SCN8A: variants seen among roughly 807,000 people sequenced by gnomAD.
SCN8A encodes sodium voltage-gated channel alpha subunit 8.
In SCN8A, 30 loss-of-function variants were observed where a neutral mutation model predicts 184.1. That is an observed-to-expected ratio of 0.16 (90% confidence interval 0.12 to 0.22). The LOEUF (loss-of-function observed/expected upper bound fraction) is 0.22. Ranked by LOEUF, SCN8A falls within the 10% of genes least tolerant of loss-of-function variation. The pLI is 1.00. For synonymous variants in SCN8A, 852 were observed against 907.0 expected (o/e 0.94, Z 1.09); for missense variants, 1,057 against 2,498.9 (o/e 0.42, Z 12.30).
chr12:51,743,830 GCCTTA>G (rs1667000550), intron 12 of SCN8A, among the ~76,000 whole-genome samples: 2 of 152,196 alleles, frequency 1.3e-5, no homozygotes, highest in Admixed American at 1.3e-4. Flanking sequence ...GGAGCAAAAA[GCCTTA>G]GAGATTTCTT....
intron 1 of SCN8A, among the ~76,000 whole-genome samples, chr12:51,605,181 A>G (rs751952775): frequency 2.0e-5 from 3 of 152,156 alleles, no homozygotes; most frequent in Non-Finnish European, 4.4e-5. Flanking sequence ...TAAGTTCTTT[A>G]GTGGTGATAT....
In SCN8A at chr12:51,644,677, C is replaced by T. The variant is rs545450930; in HGVS notation, c.-54-18087C>T. Among the ~76,000 whole-genome samples, 7 of 152,078 alleles carry T rather than the reference C, an allele frequency of 4.6e-5. No homozygotes were observed. In the South Asian group the frequency reaches 8.3e-4, roughly 18 times the overall value. ...GCCACCCCGTCTGGGAAGTGAGGAG[C>T]GTCTCCGCCTGGCCGCCCATCGTCT... On this transcript the variant is annotated intron_variant, in intron 1 of 26. Coordinates refer to ENST00000627620, the MANE Select transcript of SCN8A (RefSeq NM_001330260.2).
At chr12:51,661,494 T>G (rs1461637532) in intron 1 of SCN8A, among the ~76,000 whole-genome samples, 2 of 152,194 alleles carry the variant, frequency 1.3e-5, no homozygotes, top group African/African-American at 2.4e-5. Context: ...GAAGGAGCTC[T>G]TGGGTATCTC....
At chr12:51,723,706 A>G (rs893236930) in intron 12 of SCN8A, among the ~76,000 whole-genome samples, 3 of 152,106 alleles carry the variant, frequency 2.0e-5, no homozygotes, top group African/African-American at 4.8e-5. Flanking sequence ...TTTGAAACCC[A>G]TCTCTACTAC....
Position 51,663,051 on chromosome 12 carries a change from A to G in SCN8A, c.234A>G (p.Ala78=), listed in dbSNP as rs769994874. The G allele has an allele frequency of 2.5e-6, 4 of 1,614,034 alleles. No homozygotes were observed. Among genetic ancestry groups the G allele is most frequent in the Non-Finnish European group, 3.4e-6 (4 of 1,179,886 alleles). ...GGGACATCCCCCAAGGCCTGGTTGCAGTTCCCCTGGAGGACTTTGACCCAT... is the reference window on the plus strand; with the variant it reads ...GGGACATCCCCCAAGGCCTGGTTGCGGTTCCCCTGGAGGACTTTGACCCAT... ...IYGDIPQGLV[A]VPLEDFDPYY... is the part of the protein sequence containing the mutation. The change falls in exon 2 of 27, where the codon GCA becomes GCG. Residue 78 remains alanine (A), a synonymous_variant. Transcript: ENST00000627620.
At chr12:51,656,953 A>G (rs1265207239) in intron 1 of SCN8A, among the ~76,000 whole-genome samples, 2 of 152,172 alleles carry the variant, frequency 1.3e-5, no homozygotes, top group Non-Finnish European at 2.9e-5. Flanking sequence ...TCAGGAAAAC[A>G]GTTTGGCAGT....
At chr12:51,776,114 C>T (rs893347422) in intron 20 of SCN8A, among the ~76,000 whole-genome samples, 3 of 152,140 alleles carry the variant, frequency 2.0e-5, no homozygotes, top group South Asian at 2.1e-4. Context: ...CTCAGCCTCC[C>T]GAGTAGCTGG....
At chr12:51,629,520 T>A (rs1323273030) in intron 1 of SCN8A, among the ~76,000 whole-genome samples, 1 of 148,048 alleles carries the variant, frequency 6.8e-6, no homozygotes, top group Non-Finnish European at 1.5e-5. Flanking sequence ...GAAATTCAGG[T>A]ACCTTGCAAC....
chr12:51,769,602 A>G (rs77890854), intron 17 of SCN8A, among the ~76,000 whole-genome samples: 33 of 152,104 alleles, frequency 2.2e-4, no homozygotes, highest in Non-Finnish European at 4.0e-4. Context: ...CCTGCCATTC[A>G]TCTGAGTTAT....
At chr12:51,788,634 TG>T in intron 22 of SCN8A, 60 bp from the exon 23 acceptor site, 1 of 1,381,920 alleles carries the variant, frequency 7.2e-7, no homozygotes, top group Admixed American at 2.0e-5. Context: ...TTGGGACCCC[TG>T]CCTAGACTCC....
chr12:51,608,504 T>C (rs2138572751), intron 1 of SCN8A, among the ~76,000 whole-genome samples: 1 of 152,248 alleles, frequency 6.6e-6, no homozygotes, highest in African/African-American at 2.4e-5. Flanking sequence ...CCATCTCTTT[T>C]AGGTTTTCTA....
intron 1 of SCN8A, among the ~76,000 whole-genome samples, chr12:51,597,329 CAA>C (rs1172200987): frequency 6.6e-6 from 1 of 152,134 alleles, no homozygotes; most frequent in Non-Finnish European, 1.5e-5. Flanking sequence ...TGAACTCCCT[CAA>C]AAGGCACATT....
chr12:51,752,482 G>C (rs1016295050), intron 14 of SCN8A, among the ~76,000 whole-genome samples: 3 of 151,996 alleles, frequency 2.0e-5, no homozygotes, highest in Non-Finnish European at 2.9e-5. Flanking sequence ...TATACTATTA[G>C]AGCACTACAA....
At chr12:51,610,652 T>G (rs1216106585) in intron 1 of SCN8A, among the ~76,000 whole-genome samples, 2 of 152,192 alleles carry the variant, frequency 1.3e-5, no homozygotes, top group Non-Finnish European at 2.9e-5. Context: ...TCATATATGA[T>G]GCTTAGTTTC....
At chr12:51,805,579 A>G (rs1271539389) in intron 26 of SCN8A, among the ~76,000 whole-genome samples, 1 of 152,182 alleles carries the variant, frequency 6.6e-6, no homozygotes, top group African/African-American at 2.4e-5. Context: ...TTCATCTGGG[A>G]ATGATGAAAG....
At chr12:51,752,609 G>C (rs147992734) in intron 14 of SCN8A, among the ~76,000 whole-genome samples, 1 of 152,144 alleles carries the variant, frequency 6.6e-6, no homozygotes, top group South Asian at 2.1e-4. Flanking sequence ...CATGTCTGTG[G>C]TTGGTGACAT....
chr12:51,725,777 A>G (rs1942146326), intron 12 of SCN8A, among the ~76,000 whole-genome samples: 1 of 152,234 alleles, frequency 6.6e-6, no homozygotes. Context: ...AGAGATTCTA[A>G]TTGCTTAATA....
rs150122302 is a variant in SCN8A, at chr12:51,795,874, A to G, written c.4795+1233A>G. On this transcript the variant is annotated intron_variant, in intron 26 of 26. Coordinates refer to ENST00000627620, the MANE Select transcript of SCN8A (RefSeq NM_001330260.2). ...AGCCTGGGCAACATGATAAAACTCT[A>G]TCTCTGAAAAAAAAAAAAAAAAATG... is the stretch of plus-strand genomic sequence containing the variant. Among the ~76,000 whole-genome samples the G allele has an allele frequency of 1.1e-3, 149 of 139,018 alleles. 1 individual carries two copies. Among genetic ancestry groups the G allele is most frequent in the African/African-American group, 4.2e-3 (145 of 34,458 alleles). The allele number at this position is 139,018 out of a possible 152,430, so 91.2% of individuals were successfully genotyped here.
chr12:51,725,088 G>A (rs1942135444), intron 12 of SCN8A, among the ~76,000 whole-genome samples: 1 of 152,180 alleles, frequency 6.6e-6, no homozygotes, highest in South Asian at 2.1e-4. Context: ...CCAAAGTCAG[G>A]AGGTCACAGT....
Sources: allele counts gnomAD v4.1 joint callset (sites outside exome capture counted in the v4.1 genomes callset), GRCh38; gene constraint gnomAD v4.1.1; transcripts MANE v1.5; gene names NCBI Gene and HGNC (gene_info 2026-07-23, HGNC 2026-07-21).